ADAMTSL1: variants seen among roughly 807,000 people sequenced by gnomAD.
ADAMTSL1 encodes the protein ADAMTS-like protein 1.
In ADAMTSL1, 126 loss-of-function variants were observed where a neutral mutation model predicts 201.8. The ratio of observed to expected loss-of-function variants is 0.62; its 90% CI spans 0.54 to 0.72. ADAMTSL1 has a LOEUF of 0.72. ADAMTSL1 is among the 30% of genes least tolerant of loss of function. ADAMTSL1 has a pLI of 0.00. For missense variants in ADAMTSL1, 2,679 were observed against 2,277.8 expected (o/e 1.18, Z -3.59); for synonymous variants, 1,121 against 903.4 (o/e 1.24, Z -4.32).
chr9:18,719,475 C>T (rs1833191107), intron 14 of ADAMTSL1, among the ~76,000 whole-genome samples: 1 of 152,122 alleles, frequency 6.6e-6, no homozygotes, highest in African/African-American at 2.4e-5. Context: ...AGCAATTCTC[C>T]TACCTCAGTT....
intron 1 of ADAMTSL1, among the ~76,000 whole-genome samples, chr9:18,026,093 T>A (rs1460012090): frequency 1.3e-5 from 2 of 152,036 alleles, no homozygotes; most frequent in African/African-American, 2.4e-5. Context: ...TCATTATTAG[T>A]TCCAGGAGCC....
intron 22 of ADAMTSL1, among the ~76,000 whole-genome samples, chr9:18,828,001 T>A (rs1824691269): frequency 6.6e-6 from 1 of 152,208 alleles, no homozygotes; most frequent in African/African-American, 2.4e-5. Context: ...AAAGGGGGCA[T>A]TTTGTGGATG....
Position 18,706,972 on chromosome 9 carries a change from T to C in ADAMTSL1, c.1800T>C (p.Gly600=). ...CAGACGAGACAGATGGGCTCTTTGGTGGCCTGCAGGATTTCGACGAGCTGT... is the reference window on the plus strand; with the variant it reads ...CAGACGAGACAGATGGGCTCTTTGGCGGCCTGCAGGATTTCGACGAGCTGT... ...FNPDETDGLF[G]GLQDFDELYD... Residue 600 remains glycine, a synonymous_variant, in exon 14 of 29, where the codon GGT becomes GGC. Coordinates refer to ENST00000380548, the MANE Select transcript of ADAMTSL1 (RefSeq NM_001040272.6). 1.9e-6 allele frequency: 3 copies of C among 1,613,938 alleles called. No homozygotes were observed. The highest frequency in any genetic ancestry group is 2.2e-5 in the East Asian group (1 of 44,858).
intron 2 of ADAMTSL1, among the ~76,000 whole-genome samples, chr9:18,523,601 C>T (rs1166457375): frequency 6.6e-6 from 1 of 151,498 alleles, no homozygotes; most frequent in Admixed American, 6.6e-5. Context: ...TTTAATCCAT[C>T]TTGAATTAAT....
intron 28 of ADAMTSL1, 159 bp downstream of exon 28, chr9:18,907,071 TG>T (rs1336490587): frequency 6.8e-6 from 5 of 736,082 alleles, no homozygotes; most frequent in Non-Finnish European, 1.1e-5. Context: ...GGTGCATGGG[TG>T]TATGCAGAGA....
chr9:18,377,367 G>GAA (rs1228755297), intron 2 of ADAMTSL1, among the ~76,000 whole-genome samples: 10 of 152,146 alleles, frequency 6.6e-5, no homozygotes, highest in Non-Finnish European at 1.2e-4. Context: ...CATTCTTTCT[G>GAA]ATAGTAGAAT....
rs116222144 is a variant in ADAMTSL1, at chr9:17,951,999, C to T, written c.87+45077C>T. Among the ~76,000 whole-genome samples the T allele has an allele frequency of 3.7e-3, 567 of 152,126 alleles. 11 individuals carry two copies. Among genetic ancestry groups the T allele is most frequent in the African/African-American group, 0.013 (527 of 41,512 alleles). Reference sequence around the variant, plus strand: ...GATTTTTTGTAGAGATTAGGTCTCACTGTATTGCCCAGGCTAGTCTTGAAC... The same window carrying T: ...GATTTTTTGTAGAGATTAGGTCTCATTGTATTGCCCAGGCTAGTCTTGAAC... On this transcript the variant is annotated intron_variant, in intron 1 of 29. Coordinates refer to the ADAMTSL1 transcript ENST00000680146.
intron 7 of ADAMTSL1, among the ~76,000 whole-genome samples, chr9:18,657,407 C>G (rs1301975211): frequency 1.3e-5 from 2 of 152,162 alleles, no homozygotes; most frequent in African/African-American, 4.8e-5. Context: ...ATTGTTCTCC[C>G]TTGCTCTGTG....
chr9:18,711,611 C>T (rs1241194668), intron 14 of ADAMTSL1, among the ~76,000 whole-genome samples: 1 of 152,228 alleles, frequency 6.6e-6, no homozygotes, highest in Non-Finnish European at 1.5e-5. Context: ...CACGGAGTCT[C>T]GCTGATTGCT....
intron 4 of ADAMTSL1, among the ~76,000 whole-genome samples, chr9:18,617,405 T>TA (rs1771319479): frequency 6.6e-6 from 1 of 151,524 alleles, no homozygotes; most frequent in African/African-American, 2.4e-5. Flanking sequence ...AAGAAACCCC[T>TA]ACTGCAGGCC....
chr9:18,301,696 G>A (rs1167730245), intron 2 of ADAMTSL1, among the ~76,000 whole-genome samples: 4 of 152,200 alleles, frequency 2.6e-5, no homozygotes, highest in Non-Finnish European at 2.9e-5. Context: ...CCATGGATAA[G>A]GAGGGACTGC....
At chr9:18,711,929 G>C (rs1221039854) in intron 14 of ADAMTSL1, among the ~76,000 whole-genome samples, 9 of 141,842 alleles carry the variant, frequency 6.3e-5, no homozygotes, top group African/African-American at 2.2e-4. Flanking sequence ...CCTCAAGTGG[G>C]TCCCTGACCC....
intron 1 of ADAMTSL1, among the ~76,000 whole-genome samples, chr9:17,949,992 C>T (rs778974564): frequency 9.9e-5 from 15 of 152,176 alleles, no homozygotes; most frequent in South Asian, 2.1e-4. Context: ...GATCTTGGCT[C>T]ACTGCAACCT....
intron 15 of ADAMTSL1, among the ~76,000 whole-genome samples, chr9:18,740,492 T>TTG (rs1564195517): frequency 1.4e-5 from 2 of 140,424 alleles, no homozygotes; most frequent in Non-Finnish European, 3.1e-5. Context: ...TTTTTTTTTT[T>TTG]TTTGAGAGGA....
intron 2 of ADAMTSL1, among the ~76,000 whole-genome samples, chr9:18,287,356 C>A (rs1055801804): frequency 6.6e-6 from 1 of 151,694 alleles, no homozygotes; most frequent in Non-Finnish European, 1.5e-5. Flanking sequence ...TATACACATA[C>A]ATACATATAC....
intron 1 of ADAMTSL1, among the ~76,000 whole-genome samples, chr9:18,062,222 A>G (rs1822488286): frequency 1.3e-5 from 2 of 152,196 alleles, no homozygotes; most frequent in South Asian, 2.1e-4. Context: ...TTTTCTTCTG[A>G]TTGAAAAATG....
At chr9:18,149,554 G>A (rs752041504) in intron 1 of ADAMTSL1, among the ~76,000 whole-genome samples, 2 of 152,022 alleles carry the variant, frequency 1.3e-5, no homozygotes, top group Non-Finnish European at 2.9e-5. Flanking sequence ...TGTTAGAAAA[G>A]CATCATCTCA....
At chr9:18,189,650 T>C (rs963673569) in intron 2 of ADAMTSL1, among the ~76,000 whole-genome samples, 1 of 152,168 alleles carries the variant, frequency 6.6e-6, no homozygotes, top group Non-Finnish European at 1.5e-5. Context: ...TGGAGCTCCC[T>C]GCAACTGTAT....
At chr9:18,358,009 G>T (rs773061107) in intron 2 of ADAMTSL1, among the ~76,000 whole-genome samples, 1 of 152,168 alleles carries the variant, frequency 6.6e-6, no homozygotes, top group Non-Finnish European at 1.5e-5. Flanking sequence ...AGGCTGTATT[G>T]AATAGTGAAT....
Sources: gnomAD v4.1 joint callset for allele counts (sites outside exome capture counted in the v4.1 genomes callset) on GRCh38, gnomAD v4.1.1 for gene constraint, MANE v1.5 for transcripts, NCBI Gene and HGNC (gene_info 2026-07-23, HGNC 2026-07-21) for gene names.